VWF: variants seen among roughly 807,000 people sequenced by gnomAD.
The protein encoded by VWF is Factor VIII related antigen.
Under a neutral mutation model 308.6 loss-of-function variants are expected in VWF, and 176 were observed. The ratio of observed to expected loss-of-function variants is 0.57; its 90% CI spans 0.50 to 0.65. The LOEUF (loss-of-function observed/expected upper bound fraction) is 0.65, where lower values mean the gene tolerates loss of function less well. Ranked by LOEUF, VWF falls within the 30% of genes least tolerant of loss-of-function variation. The pLI, the probability that VWF is intolerant of heterozygous loss-of-function variation, is 0.00. For missense variants in VWF, 3,146 were observed against 3,648.2 expected (o/e 0.86, Z 3.55); for synonymous variants, 1,385 against 1,443.4 (o/e 0.96, Z 0.92).
chr12:6,114,413 A>G (rs917707606), intron 3 of VWF, among the ~76,000 whole-genome samples: 3 of 152,208 alleles, frequency 2.0e-5, no homozygotes, highest in African/African-American at 7.2e-5. Flanking sequence ...TATGGCTATA[A>G]GTTTGTAAAG....
chr12:5,981,208 GAC>G (rs1943601079), intron 42 of VWF, among the ~76,000 whole-genome samples: 1 of 151,920 alleles, frequency 6.6e-6, no homozygotes, highest in Admixed American at 6.6e-5. Flanking sequence ...TGGATAAACT[GAC>G]AGCAATAAAT....
chr12:6,008,517 T>C (rs928660927), intron 34 of VWF, among the ~76,000 whole-genome samples: 2 of 152,094 alleles, frequency 1.3e-5, no homozygotes, highest in African/African-American at 4.8e-5. Flanking sequence ...AGAAGAAAAT[T>C]ACCTCAACAA....
rs1443033935 is a variant in VWF at position 6,118,190 on chromosome 12, C to T, written c.220+2984G>A. Among the ~76,000 whole-genome samples the T allele has an allele frequency of 3.9e-5, 6 of 151,996 alleles. No individual in the cohort carries two copies. In the East Asian group the frequency reaches 1.2e-3, roughly 29 times the overall value. On this transcript the variant is annotated intron_variant, in intron 3 of 51. Transcript: ENST00000261405. ...GCTTTTTCAACATGCTGACTTGGCT[C>T]TCTGAGCCCAGAACATGAACTCTGT... is the stretch of plus-strand genomic sequence containing the variant.
intron 34 of VWF, among the ~76,000 whole-genome samples, chr12:6,004,979 A>C (rs2136396977): frequency 6.6e-6 from 1 of 152,316 alleles, no homozygotes. Context: ...CATCATAAAA[A>C]TGCCAGTTCT....
At position 6,020,838 on chromosome 12, in the gene VWF, G is replaced by A. The variant is rs1461359447; in HGVS notation, c.3674+1062C>T. On this transcript the variant is annotated intron_variant, in intron 27 of 51. Coordinates refer to ENST00000261405, the MANE Select transcript of VWF (RefSeq NM_000552.5). This position sits in a 1 kb window ranked among gnomAD's most constrained non-coding sequence, Gnocchi z 4.3. ...TGTCCACACACTGCTTGCAGCTTCA[G>A]CGTGCACCGTGGCAGCTGCCCCTGC... Among the ~76,000 whole-genome samples, 3 of 152,246 alleles carry A rather than the reference G, an allele frequency of 2.0e-5. No homozygotes were observed. Among genetic ancestry groups the A allele is most frequent in the Non-Finnish European group, 4.4e-5 (3 of 68,046 alleles).
At chr12:5,999,990 A>T (rs1396440537) in intron 34 of VWF, among the ~76,000 whole-genome samples, 1 of 152,290 alleles carries the variant, frequency 6.6e-6, no homozygotes, top group Non-Finnish European at 1.5e-5. Flanking sequence ...CAAGAGAATG[A>T]AAATGAGTTA....
At chr12:5,976,513 G>A (rs1248541360) in intron 42 of VWF, among the ~76,000 whole-genome samples, 1 of 152,078 alleles carries the variant, frequency 6.6e-6, no homozygotes, top group Non-Finnish European at 1.5e-5. Flanking sequence ...TGGTCCCACA[G>A]ACTTGAATAC....
intron 44 of VWF, 127 bp downstream of exon 44, chr12:5,971,472 C>T: frequency 2.6e-6 from 2 of 783,678 alleles, no homozygotes; most frequent in Admixed American, 3.8e-5. Context: ...CTGGATAACA[C>T]CAACAGCTGG....
rs774828008 is a variant in VWF at position 5,969,395 on chromosome 12, C to T, written c.7549-4G>A. 9 of 1,614,056 alleles carry T rather than the reference C, an allele frequency of 5.6e-6. No individual in the cohort carries two copies. The Admixed American group carries it at 8.3e-5, about 15-fold the overall frequency. ...GGGAGGCCCACTGGGAGCCGACCTG[C>T]AGGGCACCAGAGTTAGTCCAACAAG... On this transcript the variant is annotated splice_region_variant and splice_polypyrimidine_tract_variant and intron_variant, in intron 44 of 51. Transcript: ENST00000261405.
rs906075626 is a variant in VWF at position 6,123,958 on chromosome 12, T to C, written c.-1+463A>G. Among the ~76,000 whole-genome samples the C allele has an allele frequency of 4.6e-5, 7 of 152,128 alleles. 1 individual carries two copies. Among genetic ancestry groups the C allele is most frequent in the Non-Finnish European group, 1.5e-5 (1 of 68,016 alleles). ...AAAAGTTGTTAAATGAAGTGCAGAATCTGCTGCCTGAGATTCACTGGGGGT... is the reference window on the plus strand; with the variant it reads ...AAAAGTTGTTAAATGAAGTGCAGAACCTGCTGCCTGAGATTCACTGGGGGT... On this transcript the variant is annotated intron_variant, in intron 1 of 51. Coordinates refer to ENST00000261405, the MANE Select transcript of VWF (RefSeq NM_000552.5).
rs550658771 is a variant in VWF at position 6,049,574 on chromosome 12, T to C, written c.2187-2757A>G. On this transcript the variant is annotated intron_variant, in intron 16 of 51. Coordinates refer to ENST00000261405, the MANE Select transcript of VWF (RefSeq NM_000552.5). Reference sequence around the variant, plus strand: ...TCTGATCCCCAAATTCAACCGTCTATTCTCACTGTAATAAGGAGAGTTCAA... The same window carrying C: ...TCTGATCCCCAAATTCAACCGTCTACTCTCACTGTAATAAGGAGAGTTCAA... Among the ~76,000 whole-genome samples, 390 of 152,340 alleles carry C rather than the reference T, an allele frequency of 2.6e-3. 2 individuals carry two copies. The highest frequency in any genetic ancestry group is 8.8e-3 in the African/African-American group (366 of 41,574).
At chr12:6,049,587 A>T (rs1248879455) in intron 16 of VWF, among the ~76,000 whole-genome samples, 1 of 152,244 alleles carries the variant, frequency 6.6e-6, no homozygotes, top group Non-Finnish European at 1.5e-5. Context: ...TCACTGTAAT[A>T]AGGAGAGTTC....
intron 18 of VWF, among the ~76,000 whole-genome samples, chr12:6,041,004 A>G (rs1229034712): frequency 6.6e-6 from 1 of 152,244 alleles, no homozygotes; most frequent in Non-Finnish European, 1.5e-5. Context: ...GTGAGGACGC[A>G]AGCACAGAAA....
intron 34 of VWF, among the ~76,000 whole-genome samples, chr12:5,998,565 A>G (rs2136390863): frequency 7.1e-6 from 1 of 141,534 alleles, no homozygotes; most frequent in East Asian, 2.0e-4. Flanking sequence ...CCCAACGGTC[A>G]TGAGAATAAA....
Position 6,036,500 on chromosome 12 carries a change from A to T in VWF, c.2443-9T>A, listed in dbSNP as rs1318740565. On this transcript the variant is annotated splice_polypyrimidine_tract_variant and intron_variant, in intron 18 of 51. Coordinates refer to ENST00000261405, the MANE Select transcript of VWF (RefSeq NM_000552.5). ...CTGTTCTCATGCCGGACCTAAGAGAAAAGAATCCAAAAGTCCTCAGGGCCA... is the reference window on the plus strand; with the variant it reads ...CTGTTCTCATGCCGGACCTAAGAGATAAGAATCCAAAAGTCCTCAGGGCCA... 1 of 1,613,326 alleles carries T rather than the reference A, an allele frequency of 6.2e-7. No individual in the cohort carries two copies. Among genetic ancestry groups the T allele is most frequent in the Admixed American group, 1.7e-5 (1 of 60,012 alleles).
At chr12:6,071,085 C>T (rs1000045175) in intron 10 of VWF, among the ~76,000 whole-genome samples, 1 of 152,258 alleles carries the variant, frequency 6.6e-6, no homozygotes, top group Admixed American at 6.5e-5. Context: ...TCTCCGCTTT[C>T]AGCTGTTGCA....
intron 6 of VWF, among the ~76,000 whole-genome samples, chr12:6,087,354 CTTT>C (rs948166436): frequency 2.7e-4 from 32 of 118,762 alleles, no homozygotes; most frequent in Admixed American, 1.5e-3. Context: ...AGACTTAACT[CTTT>C]TTTTTTTTTT....
intron 5 of VWF, among the ~76,000 whole-genome samples, chr12:6,104,297 A>G (rs1359946849): frequency 6.6e-6 from 1 of 152,116 alleles, no homozygotes; most frequent in Non-Finnish European, 1.5e-5. Context: ...AAGGATGAGG[A>G]AAAAGGGGAA....
intron 5 of VWF, among the ~76,000 whole-genome samples, chr12:6,109,631 G>A (rs576146972): frequency 1.3e-5 from 2 of 152,274 alleles, no homozygotes. Context: ...AATTAAAGAA[G>A]ATTGAAATAT....
Sources: allele counts gnomAD v4.1 joint callset (sites outside exome capture counted in the v4.1 genomes callset), GRCh38; gene constraint gnomAD v4.1.1; non-coding constraint Gnocchi (gnomAD v3.1); transcripts MANE v1.5; gene names NCBI Gene and HGNC (gene_info 2026-07-23, HGNC 2026-07-21).